Variants in CHD2 observed in about 807,000 individuals in gnomAD.
The protein encoded by CHD2 is chromodomain helicase DNA binding protein 2.
In CHD2, 28 loss-of-function variants were observed where a neutral mutation model predicts 243.9. The observed-to-expected ratio is 0.11, with a 90% CI of 0.09 to 0.16. The LOEUF (loss-of-function observed/expected upper bound fraction) is 0.16, where lower values mean the gene tolerates loss of function less well. CHD2 is among the 10% of genes least tolerant of loss of function. The probability of loss-of-function intolerance (pLI) is 1.00; values close to 1 mark genes in which losing one functional copy is unlikely to be tolerated. For missense variants in CHD2, 1,386 were observed against 2,209.8 expected (o/e 0.63, Z 7.47); for synonymous variants, 775 against 779.0 (o/e 0.99, Z 0.09).
intron 2 of CHD2, among the ~76,000 whole-genome samples, chr15:92,917,213 C>T (rs1453984571): frequency 1.3e-5 from 2 of 152,170 alleles, no homozygotes; most frequent in Non-Finnish European, 2.9e-5. Context: ...AAGCACAGGA[C>T]TTGAACCAAA....
At chr15:92,952,532 G>A (rs968788029) in intron 13 of CHD2, among the ~76,000 whole-genome samples, 1 of 152,214 alleles carries the variant, frequency 6.6e-6, no homozygotes, top group Admixed American at 6.5e-5. Context: ...AGTGTGCAAC[G>A]TAGATCCCTC....
intron 16 of CHD2, among the ~76,000 whole-genome samples, chr15:92,957,148 C>G (rs1446108022): frequency 1.3e-5 from 2 of 152,156 alleles, no homozygotes; most frequent in Non-Finnish European, 2.9e-5. Flanking sequence ...TGGTATTCAG[C>G]GATACTTAGA....
At chr15:92,933,317 G>A (rs1249766145) in intron 5 of CHD2, among the ~76,000 whole-genome samples, 1 of 152,194 alleles carries the variant, frequency 6.6e-6, no homozygotes, top group African/African-American at 2.4e-5. Context: ...ATAACAATCT[G>A]TGTTTTTAGC....
In CHD2 at chr15:92,924,556, T is replaced by C; in HGVS notation, c.294+4T>C. On this transcript the variant is annotated splice_donor_region_variant and intron_variant, in intron 3 of 38. Coordinates refer to ENST00000394196, the MANE Select transcript of CHD2 (RefSeq NM_001271.4). Reference sequence around the variant, plus strand: ...ACGGATAGCTGATGTGAAGAAGGTATCTACTTTGCCCTGCAGTACAAATGT... The same window carrying C: ...ACGGATAGCTGATGTGAAGAAGGTACCTACTTTGCCCTGCAGTACAAATGT... 6.2e-7 allele frequency: 1 copy of C among 1,613,298 alleles called. No homozygotes were observed.
At chr15:92,929,715 G>A (rs2053130093) in intron 5 of CHD2, among the ~76,000 whole-genome samples, 1 of 152,008 alleles carries the variant, frequency 6.6e-6, no homozygotes, top group Admixed American at 6.6e-5. Flanking sequence ...TGTGGATCCC[G>A]TTGACAATCT....
rs190986159 is a variant in CHD2, at chr15:93,008,490, C to T, written c.4414-655C>T. Among the ~76,000 whole-genome samples the T allele has an allele frequency of 6.9e-4, 105 of 152,290 alleles. 1 individual carries two copies. The highest frequency in any genetic ancestry group is 3.4e-3 in the Middle Eastern group (1 of 294). On this transcript the variant is annotated intron_variant, in intron 34 of 38. Coordinates refer to ENST00000394196, the MANE Select transcript of CHD2 (RefSeq NM_001271.4). Reference sequence around the variant, plus strand: ...CACCTCGCCGTTGGGGGAATTTTGCCGTGTAAGTCAGGTTAGTTCTAGGCT... The same window carrying T: ...CACCTCGCCGTTGGGGGAATTTTGCTGTGTAAGTCAGGTTAGTTCTAGGCT...
chr15:92,906,662 ATCTTT>A (rs1156482057), intron 2 of CHD2, among the ~76,000 whole-genome samples: 1,171 of 103,280 alleles, frequency 0.011, 11 homozygotes, highest in Non-Finnish European at 0.018. Flanking sequence ...GCTATGAGCC[ATCTTT>A]TTTTTTTTTT....
chr15:92,926,984 G>C (rs2053074398), intron 3 of CHD2, among the ~76,000 whole-genome samples: 1 of 41,792 alleles, frequency 2.4e-5, no homozygotes, highest in Non-Finnish European at 5.4e-5. Context: ...GTATTATTCA[G>C]CTGTATATTT....
In CHD2 at chr15:92,998,864, A is replaced by G. The variant is rs1387627171; in HGVS notation, c.4008+243A>G. Among the ~76,000 whole-genome samples the G allele has an allele frequency of 1.3e-5, 2 of 152,006 alleles. No homozygotes were observed. Among genetic ancestry groups the G allele is most frequent in the Admixed American group, 1.3e-4 (2 of 15,260 alleles). The stretch of plus-strand genomic sequence containing the variant: ...TTTGGGAGGCTGAGGCGGGCGGATC[A>G]CAAGGTCAGGAGATTGAGACCATCC... On this transcript the variant is annotated intron_variant, in intron 31 of 38. Transcript: ENST00000394196. The surrounding 1 kb of genome is among the most constrained non-coding windows in gnomAD (Gnocchi z 5.1).
At chr15:92,939,925 T>C (rs1031371520) in intron 7 of CHD2, among the ~76,000 whole-genome samples, 3 of 152,220 alleles carry the variant, frequency 2.0e-5, no homozygotes, top group Non-Finnish European at 4.4e-5. Context: ...AATAGCTCAT[T>C]TGAAGCCTTC....
intron 5 of CHD2, among the ~76,000 whole-genome samples, chr15:92,935,896 G>A (rs1338382078): frequency 2.6e-5 from 4 of 151,882 alleles, no homozygotes; most frequent in Non-Finnish European, 5.9e-5. Context: ...ACCCCTACCC[G>A]TCTGACTGAT....
chr15:92,914,050 T>C (rs1319848438), intron 2 of CHD2, among the ~76,000 whole-genome samples: 2 of 152,192 alleles, frequency 1.3e-5, no homozygotes, highest in Non-Finnish European at 2.9e-5. Context: ...CTTTGAACTT[T>C]GGGAGTTGCT....
intron 12 of CHD2, 128 bp downstream of exon 12, chr15:92,946,344 A>C: frequency 2.9e-6 from 2 of 696,732 alleles, no homozygotes; most frequent in East Asian, 2.9e-5. Flanking sequence ...AAAGAAGGTG[A>C]TTTAAATATG....
chr15:92,992,966 A>G lies in CHD2; in HGVS notation c.3563A>G (p.Tyr1188Cys). 1 of 1,614,072 alleles carries G rather than the reference A, an allele frequency of 6.2e-7. No individual in the cohort carries two copies. Among genetic ancestry groups the G allele is most frequent in the Non-Finnish European group, 8.5e-7 (1 of 1,180,022 alleles). The change falls in exon 28 of 39, where the codon TAC becomes TGC. Residue 1188 changes from tyrosine (Y) to cysteine (C), a missense_variant. Tyr to Cys is a radical substitution (Grantham distance 194). Coordinates refer to ENST00000394196, the MANE Select transcript of CHD2 (RefSeq NM_001271.4). ...HNSCVSAMQE[Y>C]EEQLKENASE... is the part of the protein sequence containing the mutation. ...AGCTGTGTGTCAGCAATGCAGGAAT[A>G]CGAAGAGCAGCTGAAAGAAAATGCC... is the stretch of plus-strand genomic sequence containing the variant.
At chr15:92,984,293 A>G in intron 24 of CHD2, 37 bp from the exon 25 acceptor site, 1 of 1,468,222 alleles carries the variant, frequency 6.8e-7, no homozygotes, top group Non-Finnish European at 9.1e-7. Flanking sequence ...GTGTTTAGAA[A>G]TAGGGAAATG....
intron 16 of CHD2, among the ~76,000 whole-genome samples, chr15:92,965,959 GT>G (rs2053756220): frequency 6.6e-6 from 1 of 152,036 alleles, no homozygotes; most frequent in African/African-American, 2.4e-5. Context: ...GCCTGATACA[GT>G]GATATTTCTA....
intron 37 of CHD2, 104 bp from the exon 38 acceptor site, chr15:93,019,907 TG>T: frequency 7.2e-7 from 1 of 1,382,018 alleles, no homozygotes. Context: ...CACTCCAGCC[TG>T]GGCAAACAGA....
chr15:92,941,894 A>G lies in CHD2; in HGVS notation c.765A>G (p.Glu255=). Reference sequence around the variant, plus strand: ...AAATGACTGGAGAAGGAGTTGATGAACAGCAAGATAATAGTGAAACTATTG... The same window carrying G: ...AAATGACTGGAGAAGGAGTTGATGAGCAGCAAGATAATAGTGAAACTATTG... The part of the protein sequence containing the change: ...LIEMTGEGVD[E]QQDNSETIEK... Residue 255 remains glutamate, a synonymous_variant, in exon 8 of 39, where the codon GAA becomes GAG. Transcript: ENST00000394196. The G allele has an allele frequency of 6.2e-7, 1 of 1,613,476 alleles. No homozygotes were observed. Among genetic ancestry groups the G allele is most frequent in the Non-Finnish European group, 8.5e-7 (1 of 1,179,564 alleles).
At chr15:92,905,544 A>G (rs1448035284) in intron 2 of CHD2, among the ~76,000 whole-genome samples, 2 of 152,192 alleles carry the variant, frequency 1.3e-5, no homozygotes. Flanking sequence ...GTTACTTCAA[A>G]GGAGATGTTG....
Sources: gnomAD v4.1 joint callset for allele counts (sites outside exome capture counted in the v4.1 genomes callset) on GRCh38, gnomAD v4.1.1 for gene constraint, Gnocchi (gnomAD v3.1) non-coding constraint, MANE v1.5 for transcripts, NCBI Gene and HGNC (gene_info 2026-07-23, HGNC 2026-07-21) for gene names.